The following ATP9B variants were observed in gnomAD, a reference collection of about 807,000 sequenced individuals.
ATP9B encodes the protein ATPase phospholipid transporting 9B.
ATP9B carries 110 observed loss-of-function variants against 146.1 expected under a neutral mutation model. That is an observed-to-expected ratio of 0.75 (90% CI 0.65 to 0.88). The LOEUF (loss-of-function observed/expected upper bound fraction) is 0.88. Ranked by LOEUF, ATP9B falls within the 40% of genes least tolerant of loss-of-function variation. The pLI is 0.00. For synonymous variants in ATP9B, 604 were observed against 569.7 expected, an observed-to-expected ratio of 1.06 and a Z score of -0.86; for missense variants, 1,499 against 1,496.4, an observed-to-expected ratio of 1.00 and a Z score of -0.03.
intron 11 of ATP9B, among the ~76,000 whole-genome samples, chr18:79,223,604 T>A (rs2095701713): frequency 6.6e-6 from 1 of 152,136 alleles, no homozygotes; most frequent in Non-Finnish European, 1.5e-5. Context: ...AGGAAAAGAT[T>A]AACTAGAAAA....
chr18:79,080,690 T>C (rs2073150196), intron 1 of ATP9B, among the ~76,000 whole-genome samples: 1 of 152,240 alleles, frequency 6.6e-6, no homozygotes, highest in Admixed American at 6.5e-5. Flanking sequence ...GGCATCCTTG[T>C]CTTGTGCTGG....
chr18:79,313,623 G>A (rs1321191933), intron 15 of ATP9B, among the ~76,000 whole-genome samples: 7 of 151,968 alleles, frequency 4.6e-5, no homozygotes, highest in Middle Eastern at 3.4e-3. Flanking sequence ...AAAGTATCTG[G>A]GATTTTTTAT....
chr18:79,197,234 G>A, intron 9 of ATP9B, among the ~76,000 whole-genome samples: 1 of 152,176 alleles, frequency 6.6e-6, no homozygotes, highest in African/African-American at 2.4e-5. Context: ...TGTATCATAG[G>A]AGAAATATAA....
chr18:79,274,385 C>G (rs2145666871), intron 12 of ATP9B, among the ~76,000 whole-genome samples: 1 of 152,268 alleles, frequency 6.6e-6, no homozygotes, highest in East Asian at 1.9e-4. Flanking sequence ...ACATGTGAAT[C>G]ACATGCATAT....
chr18:79,098,090 C>G (rs965603009), intron 2 of ATP9B, among the ~76,000 whole-genome samples: 6 of 140,660 alleles, frequency 4.3e-5, no homozygotes, highest in Non-Finnish European at 9.3e-5. Flanking sequence ...CGCCACATAC[C>G]TACAACTATC....
chr18:79,156,668 T>G (rs1318614122), intron 7 of ATP9B, among the ~76,000 whole-genome samples: 1 of 152,254 alleles, frequency 6.6e-6, no homozygotes, highest in African/African-American at 2.4e-5. Context: ...TTACTAATTC[T>G]CTTTGCAAGT....
chr18:79,132,433 A>C (rs936527572), intron 5 of ATP9B, among the ~76,000 whole-genome samples: 2 of 152,160 alleles, frequency 1.3e-5, no homozygotes, highest in African/African-American at 4.8e-5. Context: ...CTAGATGAGA[A>C]AGCTGCGGTT....
chr18:79,113,965 T>C (rs1435911915), intron 4 of ATP9B, among the ~76,000 whole-genome samples: 1 of 152,176 alleles, frequency 6.6e-6, no homozygotes, highest in Admixed American at 6.5e-5. Flanking sequence ...ATGTACTTAC[T>C]ACTTCCTTTA....
Position 79,344,175 on chromosome 18 carries a change from C to T in ATP9B, c.2383-90C>T, listed in dbSNP as rs185204435. The stretch of plus-strand genomic sequence containing the variant: ...TTTAGATAATAACCCCAGAACATTC[C>T]ACTGTGACTCTGCAAATAATGCCCT... On this transcript the variant is annotated intron_variant, in intron 20 of 29. Coordinates refer to ENST00000426216, the MANE Select transcript of ATP9B (RefSeq NM_198531.5). 5.0e-6 allele frequency: 6 copies of T among 1,189,118 alleles called. No individual in the cohort carries two copies. The Admixed American group carries it at 7.8e-5, about 15-fold the overall frequency. The allele number at this position is 1,189,118 out of a possible 1,614,324, so 73.7% of individuals were successfully genotyped here. A position where few individuals can be genotyped will look rare whatever the true frequency, so the allele number is the denominator to read the frequency against.
chr18:79,154,803 T>G (rs2094749125), intron 7 of ATP9B, among the ~76,000 whole-genome samples: 1 of 152,252 alleles, frequency 6.6e-6, no homozygotes, highest in Non-Finnish European at 1.5e-5. Flanking sequence ...GCTGATGATT[T>G]AGTATTTTCA....
At chr18:79,240,689 G>A (rs1344389474) in intron 11 of ATP9B, among the ~76,000 whole-genome samples, 1 of 152,248 alleles carries the variant, frequency 6.6e-6, no homozygotes, top group Non-Finnish European at 1.5e-5. Context: ...AGGTTGCGGT[G>A]AAGCCGAGAT....
intron 4 of ATP9B, 63 bp from the exon 5 acceptor site, chr18:79,126,204 C>CA: frequency 7.3e-7 from 1 of 1,373,052 alleles, no homozygotes; most frequent in Middle Eastern, 1.8e-4. Flanking sequence ...AACCAAGTAA[C>CA]AAATAATTTT....
intron 9 of ATP9B, among the ~76,000 whole-genome samples, chr18:79,201,147 T>A (rs994965097): frequency 6.6e-6 from 1 of 152,260 alleles, no homozygotes; most frequent in Non-Finnish European, 1.5e-5. Flanking sequence ...TTCAAGTTCA[T>A]TCACACAGAT....
Position 79,325,684 on chromosome 18 carries a change from G to C in ATP9B, c.1774-3457G>C, listed in dbSNP as rs547016582. ...CGAGGTCAGTGGCAGTGGCACCTGG[G>C]CAGCCCTGAAAAGGAGGGACAGGTG... On this transcript the variant is annotated intron_variant, in intron 15 of 29. Coordinates refer to ENST00000426216, the MANE Select transcript of ATP9B (RefSeq NM_198531.5). Among the ~76,000 whole-genome samples the C allele has an allele frequency of 1.2e-3, 189 of 152,200 alleles. 1 individual carries two copies. Among genetic ancestry groups the C allele is most frequent in the African/African-American group, 4.4e-3 (181 of 41,554 alleles).
intron 25 of ATP9B, among the ~76,000 whole-genome samples, chr18:79,358,906 G>A (rs2096969891): frequency 6.7e-6 from 1 of 150,256 alleles, no homozygotes; most frequent in African/African-American, 2.5e-5. Flanking sequence ...TGTGAGGGGT[G>A]CTGTGGGTCT....
chr18:79,332,570 T>C (rs1349657388), intron 17 of ATP9B, among the ~76,000 whole-genome samples: 1 of 152,208 alleles, frequency 6.6e-6, no homozygotes. Context: ...GAGGGGTTGG[T>C]CTTGCTCTCT....
chr18:79,092,826 G>A (rs910780467), intron 1 of ATP9B, among the ~76,000 whole-genome samples: 1 of 151,554 alleles, frequency 6.6e-6, no homozygotes, highest in Non-Finnish European at 1.5e-5. Context: ...ACCTCCTGAA[G>A]GACCTGTCTG....
chr18:79,107,488 G>A (rs1041759303), intron 2 of ATP9B, among the ~76,000 whole-genome samples: 2 of 152,162 alleles, frequency 1.3e-5, no homozygotes, highest in Admixed American at 1.3e-4. Context: ...TTGGGAGGCA[G>A]GAGAGTGAAG....
At chr18:79,226,821 A>G (rs1298380473) in intron 11 of ATP9B, among the ~76,000 whole-genome samples, 1 of 152,194 alleles carries the variant, frequency 6.6e-6, no homozygotes, top group East Asian at 1.9e-4. Context: ...GGTAGCGTAG[A>G]GACTGTAGCA....
Sources: gnomAD v4.1 joint callset for allele counts (sites outside exome capture counted in the v4.1 genomes callset) on GRCh38, gnomAD v4.1.1 for gene constraint, MANE v1.5 for transcripts, NCBI Gene and HGNC (gene_info 2026-07-23, HGNC 2026-07-21) for gene names.